TBC1D2B: variants seen among roughly 807,000 people sequenced by gnomAD.
TBC1D2B encodes the protein TBC1 domain family member 2B.
Under a neutral mutation model 100.8 loss-of-function variants are expected in TBC1D2B, and 64 were observed. The ratio of observed to expected loss-of-function variants is 0.64; its 90% CI spans 0.52 to 0.78. The LOEUF (loss-of-function observed/expected upper bound fraction) is 0.78. TBC1D2B is among the 30% of genes least tolerant of loss of function. The pLI is 0.00. For synonymous variants in TBC1D2B, 480 were observed against 479.7 expected, an observed-to-expected ratio of 1.00 and a Z score of -0.01; for missense variants, 1,052 against 1,218.4, an observed-to-expected ratio of 0.86 and a Z score of 2.03.
intron 1 of TBC1D2B, among the ~76,000 whole-genome samples, chr15:78,059,409 C>T (rs1411542034): frequency 6.6e-6 from 1 of 152,182 alleles, no homozygotes; most frequent in Non-Finnish European, 1.5e-5. Flanking sequence ...CAATATGAGA[C>T]CAAGCTGAAC....
intron 6 of TBC1D2B, among the ~76,000 whole-genome samples, 194 bp downstream of exon 6, chr15:78,023,962 G>C (rs1414731181): frequency 6.6e-6 from 1 of 152,180 alleles, no homozygotes. Context: ...GCAACAGCAA[G>C]AGTTTCCTTT....
At chr15:78,060,333 G>A (rs1277361830) in intron 1 of TBC1D2B, among the ~76,000 whole-genome samples, 1 of 152,148 alleles carries the variant, frequency 6.6e-6, no homozygotes, top group Non-Finnish European at 1.5e-5. Flanking sequence ...AAAATGCCTA[G>A]GTATCCAATT....
intron 4 of TBC1D2B, among the ~76,000 whole-genome samples, chr15:78,026,957 G>T (rs1288991504): frequency 6.6e-6 from 1 of 151,372 alleles, no homozygotes; most frequent in Non-Finnish European, 1.5e-5. Context: ...ACAGTGGTAT[G>T]TACCTGTGGT....
chr15:78,053,850 G>A (rs917343474), intron 2 of TBC1D2B, 184 bp downstream of exon 2: 5 of 642,694 alleles, frequency 7.8e-6, no homozygotes, highest in African/African-American at 5.6e-5. Context: ...TTCCAAGGCT[G>A]TCACTGGGCT....
chr15:78,031,568 A>AAAAAAAG lies in TBC1D2B; in HGVS notation c.684-1399_684-1398insCTTTTTT, dbSNP rs1239079874. Reference sequence around the variant, plus strand: ...GACTCTGTCTCCAAAAAAAAAAAAAAAAAAAAAGAGAGAGAGAGAGGATTT... The same window carrying AAAAAAAG: ...GACTCTGTCTCCAAAAAAAAAAAAAAAAAAAAGAAAAAAAGAGAGAGAGAGAGGATTT... On this transcript the variant is annotated intron_variant, in intron 3 of 12. Transcript: ENST00000300584. Among the ~76,000 whole-genome samples, 8 of 150,206 alleles carry AAAAAAAG rather than the reference A, an allele frequency of 5.3e-5. No individual in the cohort carries two copies. The East Asian group carries it at 1.5e-3, about 29-fold the overall frequency.
At chr15:78,018,077 G>C (rs560652560) in intron 6 of TBC1D2B, 120 bp from the exon 7 acceptor site, 1 of 535,288 alleles carries the variant, frequency 1.9e-6, no homozygotes, top group South Asian at 3.0e-5. Flanking sequence ...GTTAGAGTAA[G>C]TTCTAAAGAA....
chr15:78,032,201 C>T (rs1034732270), intron 3 of TBC1D2B, among the ~76,000 whole-genome samples: 6 of 152,064 alleles, frequency 3.9e-5, no homozygotes, highest in African/African-American at 1.4e-4. Flanking sequence ...CACACGGGAC[C>T]GGGAATAGTG....
chr15:78,001,815 TGCTGGCCCTACTGGGGACAGGGGGAC>T, intron 11 of TBC1D2B, 75 bp from the exon 12 acceptor site: 4 of 1,499,450 alleles, frequency 2.7e-6, no homozygotes, highest in Non-Finnish European at 3.6e-6. Context: ...TCCAGGGGGG[TGCTGGCCCTACTGGGGACAGGGGGAC>T]ATGGCTTGCA....
rs565967399 is a variant in TBC1D2B, at chr15:78,039,807, T to C, written c.683+5093A>G. Among the ~76,000 whole-genome samples, 4 of 148,388 alleles carry C rather than the reference T, an allele frequency of 2.7e-5. No individual in the cohort carries two copies. In the South Asian group the frequency reaches 8.5e-4, roughly 32 times the overall value. On this transcript the variant is annotated intron_variant, in intron 3 of 12. Coordinates refer to ENST00000300584, the MANE Select transcript of TBC1D2B (RefSeq NM_144572.2). ...ACACGCAATTTACTGATGGAGAAAA[T>C]AAAGCTCAGAGAAGTTAAGTCACTA...
In TBC1D2B at chr15:78,045,037, T is replaced by C. The variant is rs2073167560; in HGVS notation, c.546A>G (p.Ala182=). ...CAGCTAGGACATTTCTGGCTTTTTC[T>C]GCAGAAGCATTTGGGTGTGGGTAAA... ...DLIYPHPNAS[A]EKARNVLAVE... The change falls in exon 3 of 13, where the codon GCA becomes GCG. Residue 182 remains alanine (A), a synonymous_variant. Coordinates refer to ENST00000300584, the MANE Select transcript of TBC1D2B (RefSeq NM_144572.2). 4 of 1,612,162 alleles carry C rather than the reference T, an allele frequency of 2.5e-6. No individual in the cohort carries two copies. Among genetic ancestry groups the C allele is most frequent in the South Asian group, 1.1e-5 (1 of 90,806 alleles).
At chr15:78,006,501 C>A (rs1189125018) in intron 10 of TBC1D2B, among the ~76,000 whole-genome samples, 1 of 152,244 alleles carries the variant, frequency 6.6e-6, no homozygotes, top group African/African-American at 2.4e-5. Flanking sequence ...CTGAAGGGGG[C>A]AGCTGTGGCG....
At chr15:78,021,136 T>A (rs944679625) in intron 6 of TBC1D2B, among the ~76,000 whole-genome samples, 1 of 152,088 alleles carries the variant, frequency 6.6e-6, no homozygotes, top group African/African-American at 2.4e-5. Context: ...TGCCTCGGAA[T>A]ACTATAGAAA....
chr15:78,033,384 A>C (rs1489845530), intron 3 of TBC1D2B, among the ~76,000 whole-genome samples: 5 of 152,224 alleles, frequency 3.3e-5, no homozygotes, highest in African/African-American at 4.8e-5. Flanking sequence ...CAAAAACGTT[A>C]AGTGAAAGAA....
At chr15:78,037,123 C>G (rs984061294) in intron 3 of TBC1D2B, among the ~76,000 whole-genome samples, 1 of 152,126 alleles carries the variant, frequency 6.6e-6, no homozygotes, top group African/African-American at 2.4e-5. Flanking sequence ...CAGACAGGTA[C>G]AGCTCCACAG....
chr15:78,059,464 C>A (rs779251202), intron 1 of TBC1D2B, among the ~76,000 whole-genome samples: 1 of 152,192 alleles, frequency 6.6e-6, no homozygotes, highest in Admixed American at 6.5e-5. Flanking sequence ...GCTGCATGAA[C>A]GTCCTGGGTG....
At position 78,070,661 on chromosome 15, in the gene TBC1D2B, C is replaced by T. The variant is rs117719715; in HGVS notation, c.360+6632G>A. Among the ~76,000 whole-genome samples, 19 of 152,266 alleles carry T rather than the reference C, an allele frequency of 1.2e-4. No homozygotes were observed. The East Asian group carries it at 3.1e-3, about 25-fold the overall frequency. On this transcript the variant is annotated intron_variant, in intron 1 of 12. Coordinates refer to ENST00000300584, the MANE Select transcript of TBC1D2B (RefSeq NM_144572.2). Reference sequence around the variant, plus strand: ...GGGCAGTTTTAACATTTTTATTTTGCTATTTTATTTTTTTGAAACAGGGTC... The same window carrying T: ...GGGCAGTTTTAACATTTTTATTTTGTTATTTTATTTTTTTGAAACAGGGTC...
chr15:78,050,774 G>A (rs111290013), intron 2 of TBC1D2B, among the ~76,000 whole-genome samples: 1 of 152,258 alleles, frequency 6.6e-6, no homozygotes, highest in African/African-American at 2.4e-5. Context: ...CAATCACACA[G>A]GAAAGTCTCT....
intron 1 of TBC1D2B, among the ~76,000 whole-genome samples, 192 bp from the exon 2 acceptor site, chr15:78,054,379 T>G (rs1023494207): frequency 3.3e-5 from 5 of 152,228 alleles, no homozygotes; most frequent in African/African-American, 1.2e-4. Context: ...AATTGTAACA[T>G]GAAGAACTGA....
In TBC1D2B at chr15:78,024,422, C is replaced by T. The variant is rs752475637; in HGVS notation, c.1204G>A (p.Asp402Asn). 2.5e-6 allele frequency: 4 copies of T among 1,614,072 alleles called. No individual in the cohort carries two copies. In the Admixed American group the frequency reaches 5.0e-5, roughly 20 times the overall value. The change falls in exon 6 of 13, where the codon GAT becomes AAT. Residue 402 changes from aspartate to asparagine, a missense_variant. Around this residue, in one of 4 missense-constraint regions of TBC1D2B, gnomAD observed 627 missense variants for 646.1 expected, o/e 0.97. Transcript: ENST00000300584. ...CTGGTAAGGCCCAGAATCTGATCAT[C>T]CTTTTGGTGCAGAAGCTCGAGCGTG... is the stretch of plus-strand genomic sequence containing the variant. Reference protein sequence around the residue: ...KDTLELLHQKDDQILGLTSQL... With the variant: ...KDTLELLHQKNDQILGLTSQL...
Sources: allele counts gnomAD v4.1 joint callset (sites outside exome capture counted in the v4.1 genomes callset), GRCh38; gene constraint gnomAD v4.1.1; regional missense constraint gnomAD v4.1.1; transcripts MANE v1.5; gene names NCBI Gene and HGNC (gene_info 2026-07-23, HGNC 2026-07-21).